TMEFF1: variants seen among roughly 807,000 people sequenced by gnomAD.
TMEFF1 encodes the protein transmembrane protein with EGF like and two follistatin like domains 1.
Under a neutral mutation model 47.5 loss-of-function variants are expected in TMEFF1, and 20 were observed. The ratio of observed to expected loss-of-function variants is 0.42; its 90% CI spans 0.30 to 0.61. The LOEUF (loss-of-function observed/expected upper bound fraction) is 0.61. TMEFF1 is among the 20% of genes least tolerant of loss of function. The pLI, the probability that TMEFF1 is intolerant of heterozygous loss-of-function variation, is 0.19. For missense variants in TMEFF1, 411 were observed against 471.1 expected (o/e 0.87, Z 1.18); for synonymous variants, 162 against 166.3 (o/e 0.97, Z 0.20).
chr9:100,538,774 T>G (rs971519021), intron 5 of TMEFF1, among the ~76,000 whole-genome samples: 2 of 152,248 alleles, frequency 1.3e-5, no homozygotes, highest in Non-Finnish European at 2.9e-5. Context: ...TTGTTGAATT[T>G]GATTGTTTGC....
chr9:100,473,759 G>A lies in TMEFF1; in HGVS notation c.196+19G>A. The A allele has an allele frequency of 1.4e-6, 2 of 1,481,074 alleles. No individual in the cohort carries two copies. Among genetic ancestry groups the A allele is most frequent in the African/African-American group, 2.9e-5 (2 of 69,462 alleles). The allele number at this position is 1,481,074 out of a possible 1,614,324, so 91.7% of individuals were successfully genotyped here. A position where few individuals can be genotyped will look rare whatever the true frequency, so the allele number is the denominator to read the frequency against. On this transcript the variant is annotated intron_variant, in intron 1 of 9. Coordinates refer to ENST00000374879, the MANE Select transcript of TMEFF1 (RefSeq NM_003692.5). The surrounding 1 kb of genome is among the most constrained non-coding windows in gnomAD (Gnocchi z 5.4). ...TGCTCAGGTAGGACCGGTCGGAGCC[G>A]GCCCTAGGTCTTCCCACCCCTCCGT...
intron 1 of TMEFF1, among the ~76,000 whole-genome samples, chr9:100,475,732 TG>T: frequency 1.3e-5 from 2 of 151,316 alleles, no homozygotes; most frequent in Non-Finnish European, 2.9e-5. Context: ...TGTGTGTGTG[TG>T]TGTGTGTGTG....
At chr9:100,509,350 T>C (rs17814243) in intron 3 of TMEFF1, among the ~76,000 whole-genome samples, 17,932 of 152,226 alleles carry the variant, frequency 0.12, 1,178 homozygotes, top group Middle Eastern at 0.18. Context: ...TACTACATTG[T>C]TAAGGCTTAA....
At chr9:100,564,152 G>T (rs1839076015) in intron 8 of TMEFF1, among the ~76,000 whole-genome samples, 1 of 152,204 alleles carries the variant, frequency 6.6e-6, no homozygotes, top group Non-Finnish European at 1.5e-5. Context: ...TCGGCTCACT[G>T]CAACCTCCAC....
At chr9:100,513,484 T>TATACAC in intron 4 of TMEFF1, 151 bp downstream of exon 4, 1 of 971,872 alleles carries the variant, frequency 1.0e-6, no homozygotes. Flanking sequence ...TGACTTTTAG[T>TATACAC]AAATTCACAG....
At chr9:100,524,748 A>AT (rs879704908) in intron 5 of TMEFF1, among the ~76,000 whole-genome samples, 67 of 151,574 alleles carry the variant, frequency 4.4e-4, no homozygotes, top group Middle Eastern at 3.4e-3. Flanking sequence ...ATCTTCATTT[A>AT]TTTTTTTTTA....
At position 100,546,451 on chromosome 9, in the gene TMEFF1, C is replaced by T. The variant is rs1242147480; in HGVS notation, c.561-1293C>T. 2.0e-5 allele frequency among the ~76,000 whole-genome samples: 3 copies of T among 151,654 alleles called. No homozygotes were observed. In the East Asian group the frequency reaches 5.8e-4, roughly 29 times the overall value. On this transcript the variant is annotated intron_variant, in intron 5 of 9. Coordinates refer to ENST00000374879, the MANE Select transcript of TMEFF1 (RefSeq NM_003692.5). ...CAATCCCCCCCCCACCAGGTTCCTC[C>T]CACAACACACGGGAATTGTGGGAGT...
At chr9:100,570,992 TATC>T in intron 8 of TMEFF1, among the ~76,000 whole-genome samples, 1 of 152,278 alleles carries the variant, frequency 6.6e-6, no homozygotes, top group Middle Eastern at 3.4e-3. Flanking sequence ...CCTGTCAAAT[TATC>T]ATCAGCTGAT....
At chr9:100,545,089 C>G (rs932025389) in intron 5 of TMEFF1, among the ~76,000 whole-genome samples, 1 of 152,216 alleles carries the variant, frequency 6.6e-6, no homozygotes, top group African/African-American at 2.4e-5. Context: ...ACAGTGCGAG[C>G]TGTCAGTAGA....
rs1839267505 is a variant in TMEFF1, at chr9:100,572,533, C to T, written c.915C>T (p.Tyr305=). 5.0e-6 allele frequency: 8 copies of T among 1,605,168 alleles called. No homozygotes were observed. Among genetic ancestry groups the T allele is most frequent in the Non-Finnish European group, 6.8e-6 (8 of 1,176,566 alleles). ...TCCTTTTCAGATGTGAATCTGGCTA[C>T]ACTGGACAGCACTGTGAAAAGACAG... ...QKASCRCESG[Y]TGQHCEKTDF... Residue 305 remains tyrosine (Y), a synonymous_variant, in exon 9 of 10, where the codon TAC becomes TAT. Coordinates refer to ENST00000374879, the MANE Select transcript of TMEFF1 (RefSeq NM_003692.5).
At chr9:100,535,799 G>A (rs1339042525) in intron 5 of TMEFF1, among the ~76,000 whole-genome samples, 1 of 152,076 alleles carries the variant, frequency 6.6e-6, no homozygotes, top group Non-Finnish European at 1.5e-5. Context: ...CAACCACAAA[G>A]AAGAAAATCT....
At chr9:100,483,846 T>A (rs1837391223) in intron 1 of TMEFF1, among the ~76,000 whole-genome samples, 2 of 152,038 alleles carry the variant, frequency 1.3e-5, no homozygotes, top group Admixed American at 1.3e-4. Context: ...AGGGAGAGGG[T>A]TAATTTATGT....
intron 1 of TMEFF1, among the ~76,000 whole-genome samples, chr9:100,481,934 A>G (rs1326767212): frequency 6.6e-6 from 1 of 151,772 alleles, no homozygotes; most frequent in Non-Finnish European, 1.5e-5. Context: ...GGCGCATACC[A>G]CTACGCCCAG....
intron 1 of TMEFF1, 62 bp from the exon 2 acceptor site, chr9:100,498,701 GCA>G (rs1837703523): frequency 1.4e-5 from 21 of 1,480,086 alleles, no homozygotes; most frequent in Admixed American, 3.6e-5. Flanking sequence ...ACACACACGC[GCA>G]CAGACACACA....
At chr9:100,552,745 G>A (rs1419862070) in intron 7 of TMEFF1, among the ~76,000 whole-genome samples, 3 of 151,924 alleles carry the variant, frequency 2.0e-5, no homozygotes, top group South Asian at 2.1e-4. Context: ...CGATGTGGTC[G>A]CAGCTGCTTG....
chr9:100,566,369 C>T (rs1241313267), intron 8 of TMEFF1, among the ~76,000 whole-genome samples: 1 of 152,174 alleles, frequency 6.6e-6, no homozygotes, highest in Non-Finnish European at 1.5e-5. Context: ...TCTGACACCT[C>T]AATCTCAACA....
At chr9:100,557,450 A>G (rs1838934304) in intron 7 of TMEFF1, among the ~76,000 whole-genome samples, 1 of 152,140 alleles carries the variant, frequency 6.6e-6, no homozygotes, top group African/African-American at 2.4e-5. Context: ...TCCATAATCT[A>G]GTTTTAGCCT....
intron 2 of TMEFF1, among the ~76,000 whole-genome samples, chr9:100,508,544 C>T (rs1024898974): frequency 1.1e-4 from 17 of 151,588 alleles, no homozygotes; most frequent in African/African-American, 4.1e-4. Flanking sequence ...GTAAGGTTTC[C>T]AAGAACAGAG....
chr9:100,517,280 C>A (rs1838092686), intron 5 of TMEFF1, among the ~76,000 whole-genome samples: 1 of 152,062 alleles, frequency 6.6e-6, no homozygotes, highest in Non-Finnish European at 1.5e-5. Flanking sequence ...TGGCTTTTTG[C>A]ATATTTGATT....
Sources: gnomAD v4.1 joint callset for allele counts (sites outside exome capture counted in the v4.1 genomes callset) on GRCh38, gnomAD v4.1.1 for gene constraint, Gnocchi (gnomAD v3.1) non-coding constraint, MANE v1.5 for transcripts, NCBI Gene and HGNC (gene_info 2026-07-23, HGNC 2026-07-21) for gene names.